The following PIK3C2B variants were observed in gnomAD, a reference collection of about 807,000 sequenced individuals.
The protein encoded by PIK3C2B is phosphatidylinositol-4-phosphate 3-kinase catalytic subunit type 2 beta.
A neutral mutation model predicts 184.3 loss-of-function variants in PIK3C2B; 83 were observed. The ratio of observed to expected loss-of-function variants is 0.45; its 90% CI spans 0.38 to 0.54. The LOEUF (loss-of-function observed/expected upper bound fraction) is 0.54. Among genes scored for constraint, PIK3C2B ranks in the 20% least tolerant of loss-of-function variants. PIK3C2B has a pLI of 0.00. For synonymous variants in PIK3C2B, 779 were observed against 837.6 expected (o/e 0.93, Z 1.21); for missense variants, 1,736 against 2,113.5 (o/e 0.82, Z 3.50).
At chr1:204,487,415 C>T (rs950633784) in intron 1 of PIK3C2B, among the ~76,000 whole-genome samples, 1 of 152,124 alleles carries the variant, frequency 6.6e-6, no homozygotes, top group African/African-American at 2.4e-5. Context: ...CATGGATTAC[C>T]TCGTATTTAT....
intron 27 of PIK3C2B, 90 bp from the exon 28 acceptor site, chr1:204,431,883 T>A: frequency 2.8e-6 from 4 of 1,437,102 alleles, no homozygotes; most frequent in Non-Finnish European, 3.9e-6. Flanking sequence ...ATGTATGTGC[T>A]GAGGGGAGGG....
At chr1:204,468,829 A>G (rs1327096520) in intron 2 of PIK3C2B, 41 bp downstream of exon 2, 2 of 1,497,486 alleles carry the variant, frequency 1.3e-6, no homozygotes, top group Non-Finnish European at 1.8e-6. Flanking sequence ...TCTGAAGGAC[A>G]TGGAGAAAGG....
intron 12 of PIK3C2B, among the ~76,000 whole-genome samples, chr1:204,454,354 C>T (rs61762609): frequency 0.025 from 3,865 of 151,736 alleles, 118 homozygotes; most frequent in East Asian, 0.08. Flanking sequence ...TGGTGGCGGG[C>T]GCCTGTAGTC....
intron 5 of PIK3C2B, among the ~76,000 whole-genome samples, chr1:204,461,745 C>G (rs1337854424): frequency 6.6e-6 from 1 of 151,922 alleles, no homozygotes; most frequent in Non-Finnish European, 1.5e-5. Flanking sequence ...TGGGGCTGGG[C>G]CTGGTGGGAG....
At chr1:204,488,208 G>A (rs7556371) in intron 1 of PIK3C2B, among the ~76,000 whole-genome samples, 95,569 of 152,128 alleles carry the variant, frequency 0.63, 31,615 homozygotes, top group Non-Finnish European at 0.72. Flanking sequence ...ACCATCTGCC[G>A]AACTTGCACT....
intron 29 of PIK3C2B, among the ~76,000 whole-genome samples, chr1:204,429,589 C>T (rs1257319547): frequency 6.6e-6 from 1 of 152,212 alleles, no homozygotes; most frequent in South Asian, 2.1e-4. Flanking sequence ...AAAAAAAAAT[C>T]TAGGTTGATA....
Position 204,469,574 on chromosome 1 carries a change from C to G in PIK3C2B, c.229G>C (p.Asp77His), listed in dbSNP as rs756332524. The G allele has an allele frequency of 6.3e-7, 1 of 1,592,686 alleles. No individual in the cohort carries two copies. The highest frequency in any genetic ancestry group is 8.6e-7 in the Non-Finnish European group (1 of 1,168,270). Residue 77 changes from aspartate to histidine, a missense_variant, in exon 2 of 33, where the codon GAC (aspartate) becomes CAC (histidine). This residue lies in a region of PIK3C2B where 404 missense variants were observed against 418.0 expected (regional missense o/e 0.97). Coordinates refer to ENST00000684373, the MANE Select transcript of PIK3C2B (RefSeq NM_001377334.1). Reference protein sequence around the residue: ...FYSKPAGRRTDLKLLRGLSGS... With the variant: ...FYSKPAGRRTHLKLLRGLSGS... ...GAGAGACCGCGTAACAGCTTGAGGTCGGTCCGCCTTCCTGCTGGCTTGCTG... is the reference window on the plus strand; with the variant it reads ...GAGAGACCGCGTAACAGCTTGAGGTGGGTCCGCCTTCCTGCTGGCTTGCTG...
intron 1 of PIK3C2B, among the ~76,000 whole-genome samples, chr1:204,492,818 C>T (rs1203495258): frequency 1.3e-5 from 2 of 152,192 alleles, no homozygotes; most frequent in African/African-American, 2.4e-5. Flanking sequence ...GCCATACACA[C>T]TCAGCAGTAA....
chr1:204,429,408 T>G (rs948480502), intron 29 of PIK3C2B, among the ~76,000 whole-genome samples: 1 of 152,152 alleles, frequency 6.6e-6, no homozygotes, highest in Non-Finnish European at 1.5e-5. Context: ...GGAAAAAAGC[T>G]CAGAATCCAG....
chr1:204,440,379 T>A (rs1234488651), intron 21 of PIK3C2B, 58 bp from the exon 22 acceptor site: 2 of 1,514,166 alleles, frequency 1.3e-6, no homozygotes, highest in African/African-American at 2.8e-5. Flanking sequence ...AGCTCTCAGG[T>A]CTCCCAAGTG....
intron 1 of PIK3C2B, chr1:204,490,482 G>C (rs936076867): frequency 6.6e-6 from 1 of 152,230 alleles, no homozygotes; most frequent in African/African-American, 2.4e-5. Context: ...TGCAGGATAG[G>C]TCCTTTCACG....
At chr1:204,440,637 C>A (rs2103479782) in intron 21 of PIK3C2B, among the ~76,000 whole-genome samples, 1 of 135,912 alleles carries the variant, frequency 7.4e-6, no homozygotes, top group African/African-American at 2.7e-5. Context: ...CACTTTGTCA[C>A]CCAGGCTGGA....
At chr1:204,429,641 G>A (rs528406556) in intron 29 of PIK3C2B, among the ~76,000 whole-genome samples, 1 of 152,242 alleles carries the variant, frequency 6.6e-6, no homozygotes, top group Non-Finnish European at 1.5e-5. Flanking sequence ...CCTCAAAGAG[G>A]AGCCTTCCTT....
At chr1:204,448,354 A>C (rs555879856) in intron 14 of PIK3C2B, among the ~76,000 whole-genome samples, 67 of 152,214 alleles carry the variant, frequency 4.4e-4, no homozygotes, top group Admixed American at 1.3e-3. Flanking sequence ...CCCCTGCCTC[A>C]GCCTCCCAAA....
intron 12 of PIK3C2B, 60 bp from the exon 13 acceptor site, chr1:204,450,077 G>A: frequency 1.4e-6 from 2 of 1,426,268 alleles, no homozygotes; most frequent in Non-Finnish European, 1.9e-6. Flanking sequence ...AGCAACAGGT[G>A]GCCCAGGAAG....
chr1:204,446,199 G>C (rs763455426), intron 15 of PIK3C2B, 55 bp from the exon 16 acceptor site: 1 of 1,299,764 alleles, frequency 7.7e-7, no homozygotes, highest in East Asian at 2.4e-5. Flanking sequence ...CAGTGAGAGA[G>C]AACAGCATCA....
At chr1:204,470,704 C>G (rs1265643913) in intron 1 of PIK3C2B, among the ~76,000 whole-genome samples, 1 of 152,224 alleles carries the variant, frequency 6.6e-6, no homozygotes, top group Admixed American at 6.5e-5. Flanking sequence ...TCATGAATAT[C>G]CACAGCAGCT....
chr1:204,429,838 A>G (rs939861277), intron 29 of PIK3C2B, 83 bp downstream of exon 29: 1 of 864,450 alleles, frequency 1.2e-6, no homozygotes, highest in African/African-American at 1.6e-5. Context: ...CCTGACTCCT[A>G]GTGCCTCCGG....
chr1:204,437,036 C>T (rs1185716771), intron 23 of PIK3C2B, among the ~76,000 whole-genome samples: 2 of 152,176 alleles, frequency 1.3e-5, no homozygotes, highest in Non-Finnish European at 2.9e-5. Flanking sequence ...CTGCCCCCAC[C>T]GCATGATCTA....
Sources: allele counts gnomAD v4.1 joint callset (sites outside exome capture counted in the v4.1 genomes callset), GRCh38; gene constraint gnomAD v4.1.1; regional missense constraint gnomAD v4.1.1; transcripts MANE v1.5; gene names NCBI Gene and HGNC (gene_info 2026-07-23, HGNC 2026-07-21).